PRR5: variants seen among roughly 807,000 people sequenced by gnomAD.
The protein encoded by PRR5 is proline-rich protein 5.
A neutral mutation model predicts 30.6 loss-of-function variants in PRR5; 25 were observed. The observed-to-expected ratio is 0.82, with a 90% confidence interval of 0.60 to 1.14. The LOEUF (loss-of-function observed/expected upper bound fraction) is 1.14, where lower values mean the gene tolerates loss of function less well. PRR5 is among the 50% of genes most tolerant of loss of function. The probability of loss-of-function intolerance (pLI) is 0.00; values close to 1 mark genes in which losing one functional copy is unlikely to be tolerated. For synonymous variants in PRR5, 286 were observed against 247.1 expected (o/e 1.16, Z -1.48); for missense variants, 600 against 547.1 (o/e 1.10, Z -0.96).
At chr22:44,708,178 T>A (rs574264794) in intron 1 of PRR5, among the ~76,000 whole-genome samples, 1 of 152,020 alleles carries the variant, frequency 6.6e-6, no homozygotes, top group South Asian at 2.1e-4. Flanking sequence ...CCAGCCTAGG[T>A]GACAGAGCGA....
At chr22:44,714,746 C>G in intron 2 of PRR5, 75 bp downstream of exon 2, 1 of 1,568,444 alleles carries the variant, frequency 6.4e-7, no homozygotes, top group Non-Finnish European at 8.7e-7. Context: ...AAGGCCCCAG[C>G]CAGGCCCCTG....
At chr22:44,725,378 G>C in intron 3 of PRR5, 86 bp downstream of exon 3, 1 of 1,572,074 alleles carries the variant, frequency 6.4e-7, no homozygotes, top group Non-Finnish European at 8.7e-7. Flanking sequence ...CGGGGGTGTG[G>C]AGCGCCGGCT....
intron 2 of PRR5, among the ~76,000 whole-genome samples, chr22:44,723,720 CAAAAATAAAAATA>C (rs1171371027): frequency 2.0e-5 from 3 of 151,972 alleles, no homozygotes; most frequent in Non-Finnish European, 4.4e-5. Flanking sequence ...ATTCCATCTC[CAAAAATAAAAATA>C]AAAAATAAAA....
intron 3 of PRR5, among the ~76,000 whole-genome samples, chr22:44,725,916 C>T (rs1037917503): frequency 6.6e-6 from 1 of 152,328 alleles, no homozygotes; most frequent in Non-Finnish European, 1.5e-5. Flanking sequence ...CTGCCCGCCT[C>T]AGCCTCCCAA....
At chr22:44,680,960 T>C (rs1223394320) in intron 1 of PRR5, among the ~76,000 whole-genome samples, 2 of 152,184 alleles carry the variant, frequency 1.3e-5, no homozygotes, top group African/African-American at 4.8e-5. Context: ...CATTCATGCA[T>C]CCATCATGCA....
At chr22:44,706,891 G>C (rs1217435333) in intron 1 of PRR5, among the ~76,000 whole-genome samples, 1 of 152,132 alleles carries the variant, frequency 6.6e-6, no homozygotes, top group East Asian at 1.9e-4. Context: ...CCCCCTTACA[G>C]AACATAAACC....
upstream of PRR5, among the ~76,000 whole-genome samples, chr22:44,698,062 TC>T (rs575606934): frequency 1.2e-3 from 187 of 152,280 alleles, 2 homozygotes; most frequent in Non-Finnish European, 1.5e-3. Context: ...TCTGTTCCTG[TC>T]CCCTGGGTGT....
chr22:44,675,472 T>C (rs1293018723), upstream of PRR5, among the ~76,000 whole-genome samples: 2 of 152,178 alleles, frequency 1.3e-5, no homozygotes, highest in Admixed American at 6.5e-5. Flanking sequence ...TGAGCAGTCA[T>C]GCTGAGTTTT....
intron 7 of PRR5, 109 bp from the exon 8 acceptor site, chr22:44,736,663 C>T: frequency 6.8e-7 from 1 of 1,466,936 alleles, no homozygotes; most frequent in Non-Finnish European, 9.0e-7. Flanking sequence ...GTCGGGCCTT[C>T]CCTGCAGCTG....
chr22:44,695,304 C>G (rs1925644289), intron 1 of PRR5, among the ~76,000 whole-genome samples: 1 of 152,136 alleles, frequency 6.6e-6, no homozygotes, highest in Non-Finnish European at 1.5e-5. Context: ...CAAAGAAAGA[C>G]AAAGGTTTTT....
intron 6 of PRR5, among the ~76,000 whole-genome samples, chr22:44,733,647 T>G (rs911626762): frequency 6.6e-6 from 1 of 151,996 alleles, no homozygotes; most frequent in Non-Finnish European, 1.5e-5. Context: ...GAGGGAGGCC[T>G]CCTCCCTGGC....
At chr22:44,690,513 G>C (rs561611655) in intron 1 of PRR5, among the ~76,000 whole-genome samples, 139 of 152,220 alleles carry the variant, frequency 9.1e-4, no homozygotes, top group African/African-American at 3.3e-3. Context: ...GGCTGAGTGA[G>C]CACCTGCAGC....
At chr22:44,670,036 G>C (rs925058652) in intron 1 of PRR5, among the ~76,000 whole-genome samples, 5 of 152,218 alleles carry the variant, frequency 3.3e-5, no homozygotes, top group African/African-American at 1.2e-4. Context: ...GAGCTGGTAA[G>C]GGGGCACCAG....
chr22:44,732,973 A>G (rs1213548499), intron 6 of PRR5, among the ~76,000 whole-genome samples: 3 of 149,998 alleles, frequency 2.0e-5, no homozygotes, highest in South Asian at 2.1e-4. Flanking sequence ...ACACGCATAC[A>G]CACTACACAC....
intron 1 of PRR5, among the ~76,000 whole-genome samples, chr22:44,687,553 C>T (rs1187106285): frequency 2.6e-5 from 4 of 152,142 alleles, no homozygotes; most frequent in Admixed American, 2.0e-4. Flanking sequence ...TTCTTGTCAT[C>T]TCTTATTGTC....
chr22:44,707,036 G>A (rs1308290445), intron 1 of PRR5, among the ~76,000 whole-genome samples: 1 of 152,120 alleles, frequency 6.6e-6, no homozygotes, highest in African/African-American at 2.4e-5. Context: ...CAGGCTGGTG[G>A]GGTGACAGAT....
In PRR5 at chr22:44,691,331, C is replaced by T. The variant is rs1347756113; in HGVS notation, c.-10-11161C>T. Among the ~76,000 whole-genome samples the T allele has an allele frequency of 1.3e-5, 2 of 152,146 alleles. No homozygotes were observed. The highest frequency in any genetic ancestry group is 2.4e-5 in the African/African-American group (1 of 41,432). Reference sequence around the variant, plus strand: ...GGACTCAGAACCTCCATGTCCACCTCGGTGGCACGGAGAGGAGGCTACCCA... The same window carrying T: ...GGACTCAGAACCTCCATGTCCACCTTGGTGGCACGGAGAGGAGGCTACCCA... On this transcript the variant is annotated intron_variant, in intron 1 of 8. Coordinates refer to the PRR5 transcript ENST00000006251. The surrounding 1 kb of genome is among the most constrained non-coding windows in gnomAD (Gnocchi z 4.4).
At chr22:44,685,741 A>G (rs1924691440) in intron 1 of PRR5, among the ~76,000 whole-genome samples, 1 of 152,268 alleles carries the variant, frequency 6.6e-6, no homozygotes, top group South Asian at 2.1e-4. Context: ...CACATGCTGG[A>G]GTTGCTCAGA....
intron 1 of PRR5, among the ~76,000 whole-genome samples, chr22:44,682,560 G>A (rs1924392359): frequency 6.6e-6 from 1 of 152,204 alleles, no homozygotes; most frequent in Non-Finnish European, 1.5e-5. Flanking sequence ...AAAGCCTGGT[G>A]AAGACATGGA....
Sources: gnomAD v4.1 joint callset for allele counts (sites outside exome capture counted in the v4.1 genomes callset) on GRCh38, gnomAD v4.1.1 for gene constraint, Gnocchi (gnomAD v3.1) non-coding constraint, MANE v1.5 for transcripts, NCBI Gene and HGNC (gene_info 2026-07-23, HGNC 2026-07-21) for gene names.